The following PPM1H variants were observed in gnomAD, a reference collection of about 807,000 sequenced individuals.
PPM1H encodes protein phosphatase, Mg2+/Mn2+ dependent 1H.
In PPM1H, 27 loss-of-function variants were observed where a neutral mutation model predicts 54.9. That is an observed-to-expected ratio of 0.49 (90% CI 0.36 to 0.68). The LOEUF (loss-of-function observed/expected upper bound fraction) is 0.68, where lower values mean the gene tolerates loss of function less well. Ranked by LOEUF, PPM1H falls within the 30% of genes least tolerant of loss-of-function variation. PPM1H has a pLI of 0.00. For missense variants in PPM1H, 596 were observed against 667.8 expected, an observed-to-expected ratio of 0.89 and a Z score of 1.19; for synonymous variants, 305 against 270.8, an observed-to-expected ratio of 1.13 and a Z score of -1.24.
At chr12:62,923,828 C>T (rs1388745653) in intron 1 of PPM1H, among the ~76,000 whole-genome samples, 2 of 152,212 alleles carry the variant, frequency 1.3e-5, no homozygotes, top group East Asian at 3.9e-4. Flanking sequence ...CCTGGCCCAA[C>T]CCCAGGAACT....
At chr12:62,846,513 T>A (rs772543) in intron 1 of PPM1H, among the ~76,000 whole-genome samples, 9,567 of 119,352 alleles carry the variant, frequency 0.08, 1,008 homozygotes, top group African/African-American at 0.3. Flanking sequence ...AAAAAAAAAA[T>A]TTTTTTTTTT....
At chr12:62,932,354 G>T (rs2121196617) in intron 1 of PPM1H, among the ~76,000 whole-genome samples, 1 of 152,182 alleles carries the variant, frequency 6.6e-6, no homozygotes, top group Non-Finnish European at 1.5e-5. Flanking sequence ...TCTGAAATTC[G>T]TTCTTTCCTT....
rs781201882 is a variant in PPM1H, at chr12:62,646,604, A to G, written c.*1885T>C. 6.6e-6 allele frequency: 1 copy of G among 152,222 alleles called. No homozygotes were observed. The highest frequency in any genetic ancestry group is 2.4e-5 in the African/African-American group (1 of 41,436). The allele number at this position is 152,222 out of a possible 1,614,324, so 9.4% of individuals were successfully genotyped here. A position where few individuals can be genotyped will look rare whatever the true frequency, so the allele number is the denominator to read the frequency against. The stretch of plus-strand genomic sequence containing the variant: ...ATTTTCCACAAACTTCTCTCCATAG[A>G]GATATCTGGGGTAGCTAAGATCTAC... On this transcript the variant is annotated 3_prime_UTR_variant, in exon 10 of 10. Coordinates refer to ENST00000228705, the MANE Select transcript of PPM1H (RefSeq NM_020700.2).
At chr12:62,777,043 AT>A (rs1565785733) in intron 4 of PPM1H, among the ~76,000 whole-genome samples, 1 of 152,220 alleles carries the variant, frequency 6.6e-6, no homozygotes, top group African/African-American at 2.4e-5. Flanking sequence ...CAACATTTAT[AT>A]CACAAAATGA....
intron 5 of PPM1H, among the ~76,000 whole-genome samples, chr12:62,723,301 T>TA (rs201023472): frequency 0.093 from 13,561 of 145,086 alleles, 654 homozygotes; most frequent in East Asian, 0.2. Context: ...ATCAGAAAGT[T>TA]AAAAAAAAAA....
intron 6 of PPM1H, among the ~76,000 whole-genome samples, chr12:62,698,100 T>TAA (rs35267464): frequency 8.4e-4 from 125 of 148,416 alleles, no homozygotes; most frequent in Non-Finnish European, 1.3e-3. Context: ...TGCAAAGCTG[T>TAA]AAAAAAAAAA....
chr12:62,777,917 G>A (rs1027498565), intron 4 of PPM1H, among the ~76,000 whole-genome samples: 1 of 152,132 alleles, frequency 6.6e-6, no homozygotes, highest in African/African-American at 2.4e-5. Context: ...TTTACTTGTA[G>A]GCTTTTTCAT....
intron 4 of PPM1H, among the ~76,000 whole-genome samples, chr12:62,782,046 A>C (rs896934249): frequency 6.6e-6 from 1 of 152,240 alleles, no homozygotes; most frequent in Admixed American, 6.5e-5. Flanking sequence ...TTTCAAATAC[A>C]TGCCAAAGAA....
chr12:62,664,941 C>T (rs924687013), intron 9 of PPM1H, among the ~76,000 whole-genome samples: 16 of 149,420 alleles, frequency 1.1e-4, no homozygotes, highest in Admixed American at 6.6e-4. Context: ...CCATTGGCAC[C>T]GTTTACTTTT....
intron 1 of PPM1H, among the ~76,000 whole-genome samples, chr12:62,874,185 G>A (rs996095354): frequency 6.6e-6 from 1 of 152,212 alleles, no homozygotes; most frequent in African/African-American, 2.4e-5. Context: ...TCTTAAAAGT[G>A]CATTTCAGCC....
chr12:62,922,173 A>G (rs1170031320), intron 1 of PPM1H, among the ~76,000 whole-genome samples: 11 of 152,222 alleles, frequency 7.2e-5, no homozygotes, highest in Admixed American at 5.9e-4. Context: ...ACTATACTCA[A>G]TAGAACTATT....
chr12:62,786,294 T>C (rs545815610), intron 4 of PPM1H, among the ~76,000 whole-genome samples: 35 of 152,304 alleles, frequency 2.3e-4, no homozygotes, highest in African/African-American at 8.4e-4. Flanking sequence ...CTGAAGACCA[T>C]AGATTCCTGT....
intron 2 of PPM1H, among the ~76,000 whole-genome samples, chr12:62,806,344 A>C (rs1483827683): frequency 6.6e-6 from 1 of 152,220 alleles, no homozygotes; most frequent in African/African-American, 2.4e-5. Flanking sequence ...TAATTCAACC[A>C]ATATGTGATT....
intron 3 of PPM1H, among the ~76,000 whole-genome samples, chr12:62,800,970 C>T (rs2076764811): frequency 1.3e-5 from 2 of 152,328 alleles, no homozygotes; most frequent in Non-Finnish European, 2.9e-5. Flanking sequence ...CAGATGGAAA[C>T]GAACAGACAA....
chr12:62,820,289 G>A (rs1328610810), intron 2 of PPM1H, among the ~76,000 whole-genome samples: 1 of 152,226 alleles, frequency 6.6e-6, no homozygotes, highest in African/African-American at 2.4e-5. Context: ...GCTCTGCAAG[G>A]CCTGCTGCCT....
intron 1 of PPM1H, among the ~76,000 whole-genome samples, chr12:62,888,286 A>G (rs1353335457): frequency 2.6e-5 from 4 of 152,164 alleles, no homozygotes; most frequent in Admixed American, 2.6e-4. Flanking sequence ...AAGGGAACAA[A>G]GGCATTGAAA....
chr12:62,903,164 C>A (rs1019897111), intron 1 of PPM1H, among the ~76,000 whole-genome samples: 10 of 152,146 alleles, frequency 6.6e-5, no homozygotes, highest in African/African-American at 2.4e-4. Context: ...TCAGACATTA[C>A]CAGATTCCAA....
chr12:62,702,254 C>T (rs2076147798), intron 6 of PPM1H, among the ~76,000 whole-genome samples: 1 of 152,148 alleles, frequency 6.6e-6, no homozygotes, highest in Non-Finnish European at 1.5e-5. Context: ...ATGATTCTCT[C>T]GTCTATTCCT....
intron 1 of PPM1H, among the ~76,000 whole-genome samples, chr12:62,876,520 T>C (rs1370798019): frequency 6.6e-6 from 1 of 152,164 alleles, no homozygotes; most frequent in Non-Finnish European, 1.5e-5. Context: ...TAAAAAGACT[T>C]AAAACCATGA....
Sources: allele counts gnomAD v4.1 joint callset (sites outside exome capture counted in the v4.1 genomes callset), GRCh38; gene constraint gnomAD v4.1.1; transcripts MANE v1.5; gene names NCBI Gene and HGNC (gene_info 2026-07-23, HGNC 2026-07-21).